The following TMEM223 variants were observed in gnomAD, a reference collection of about 807,000 sequenced individuals.
TMEM223 encodes transmembrane protein 223.
In TMEM223, 14 loss-of-function variants were observed where a neutral mutation model predicts 14.1. The ratio of observed to expected loss-of-function variants is 0.99; its 90% CI spans 0.66 to 1.55. The LOEUF (loss-of-function observed/expected upper bound fraction) is 1.55, where lower values mean the gene tolerates loss of function less well. TMEM223 is among the 40% of genes most tolerant of loss of function. The probability of loss-of-function intolerance (pLI) is 0.00; values close to 1 mark genes in which losing one functional copy is unlikely to be tolerated. For missense variants in TMEM223, 346 were observed against 269.9 expected (o/e 1.28, Z -1.97); for synonymous variants, 145 against 120.5 (o/e 1.20, Z -1.33).
At chr11:62,779,453 C>A (rs766964782) in intron 1 of TMEM223, among the ~76,000 whole-genome samples, 81 of 151,954 alleles carry the variant, frequency 5.3e-4, no homozygotes, top group Non-Finnish European at 9.9e-4. Flanking sequence ...CCTCAGCCTC[C>A]TAAAGTGCTG....
chr11:62,774,459 A>G, intron 2 of TMEM223: 1 of 398,602 alleles, frequency 2.5e-6, no homozygotes, highest in South Asian at 1.8e-5. Context: ...CATTGGATGT[A>G]GGGACCTGGA....
chr11:62,787,273 T>G (rs767026164), downstream of TMEM223: 1 of 1,551,936 alleles, frequency 6.4e-7, no homozygotes, highest in Non-Finnish European at 8.6e-7. Context: ...GCTCTCGGAC[T>G]ACTCGCTGTA....
Position 62,790,159 on chromosome 11 carries a change from G to GT in TMEM223, c.*463dup. The GT allele has an allele frequency of 7.9e-7, 1 of 1,273,426 alleles. No individual in the cohort carries two copies. The highest frequency in any genetic ancestry group is 1.6e-5 in the South Asian group (1 of 62,268). The allele number at this position is 1,273,426 out of a possible 1,614,324, so 78.9% of individuals were successfully genotyped here. A position where few individuals can be genotyped will look rare whatever the true frequency, so the allele number is the denominator to read the frequency against. ...GTCTTAGTTTTCCTTTCGTTGGGGG[G>GT]TGGGGGGGAAACATAATGACAGGCC... On this transcript the variant is annotated 3_prime_UTR_variant, in exon 2 of 2. Transcript: ENST00000307366.
chr11:62,786,240 A>G, downstream of TMEM223: 1 of 1,604,898 alleles, frequency 6.2e-7, no homozygotes, highest in Non-Finnish European at 8.5e-7. Flanking sequence ...TGCTAACTGT[A>G]TTCCTTCTCT....
chr11:62,789,526 A>C, downstream of TMEM223: 1 of 1,586,512 alleles, frequency 6.3e-7, no homozygotes, highest in South Asian at 1.1e-5. Context: ...CTCTCAACTC[A>C]CAGGGCACTG....
In TMEM223 at chr11:62,772,859, T is replaced by TG. The variant is rs1275772795; in HGVS notation, c.386-728_386-727insC. Among the ~76,000 whole-genome samples, 20 of 151,972 alleles carry TG rather than the reference T, an allele frequency of 1.3e-4. No homozygotes were observed. The East Asian group carries it at 3.1e-3, about 23-fold the overall frequency. ...TTCTTTCTTTTAGAAGATCTTTTTT[T>TG]TTTGTTTGTTTTTGTTTTTTGTTTT... On this transcript the variant is annotated intron_variant, in intron 2 of 2. Coordinates refer to the TMEM223 transcript ENST00000528367.
intron 1 of TMEM223, 72 bp from the exon 2 acceptor site, chr11:62,790,987 CTGAA>C: frequency 7.1e-7 from 1 of 1,415,802 alleles, no homozygotes; most frequent in Non-Finnish European, 9.4e-7. Context: ...CCAGTGCCCT[CTGAA>C]TAAGAAATTT....
chr11:62,789,526 A>G (rs1443397101), downstream of TMEM223: 3 of 1,586,394 alleles, frequency 1.9e-6, no homozygotes, highest in African/African-American at 2.7e-5. Context: ...CTCTCAACTC[A>G]CAGGGCACTG....
At chr11:62,781,897 G>T in intron 1 of TMEM223, 1 of 1,614,082 alleles carries the variant, frequency 6.2e-7, no homozygotes, top group Non-Finnish European at 8.5e-7. Flanking sequence ...CTTTTAGGTT[G>T]CACTCCAGGA....
chr11:62,779,622 G>A (rs551220195), intron 1 of TMEM223, among the ~76,000 whole-genome samples: 1 of 149,154 alleles, frequency 6.7e-6, no homozygotes, highest in Non-Finnish European at 1.5e-5. Flanking sequence ...CACTGTGCCC[G>A]GCCTAATTCT....
chr11:62,781,434 G>A (rs2084228737), intron 1 of TMEM223, among the ~76,000 whole-genome samples: 1 of 152,102 alleles, frequency 6.6e-6, no homozygotes, highest in South Asian at 2.1e-4. Flanking sequence ...AGCACTTTGG[G>A]AGGCTGAGGT....
chr11:62,791,944 C>A lies in TMEM223; in HGVS notation c.51G>T (p.Arg17=), dbSNP rs1412255338. ...RWPTGLLAVL[R]PLLTCRPLQG... ...GCAGGGGCCGGCAGGTGAGCAGGGG[C>A]CGCAGCACGGCTAGCAGCCCCGTGG... Residue 17 remains arginine, a synonymous_variant, in exon 1 of 2, where the codon CGG becomes CGT. Coordinates refer to ENST00000307366, the MANE Select transcript of TMEM223 (RefSeq NM_001080501.3). 6.3e-7 allele frequency: 1 copy of A among 1,589,938 alleles called. No homozygotes were observed. Among genetic ancestry groups the A allele is most frequent in the Non-Finnish European group, 8.6e-7 (1 of 1,167,988 alleles).
chr11:62,788,868 C>T (rs1267165575), downstream of TMEM223, among the ~76,000 whole-genome samples: 1 of 152,182 alleles, frequency 6.6e-6, no homozygotes, highest in African/African-American at 2.4e-5. Context: ...CAGGCCCTCT[C>T]CATCAATATC....
intron 1 of TMEM223, among the ~76,000 whole-genome samples, chr11:62,776,219 A>AC (rs1375461851): frequency 6.6e-6 from 1 of 152,100 alleles, no homozygotes; most frequent in East Asian, 1.9e-4. Context: ...AAGATGTGAC[A>AC]CCCGGGGGGT....
At chr11:62,786,598 C>T (rs763647064), downstream of TMEM223, 3 of 1,581,960 alleles carry the variant, frequency 1.9e-6, no homozygotes, top group Non-Finnish European at 2.6e-6. Context: ...GGGGTGCCGG[C>T]GCCTGGACGA....
chr11:62,776,021 C>T, intron 1 of TMEM223: 2 of 1,439,470 alleles, frequency 1.4e-6, no homozygotes, highest in Non-Finnish European at 1.9e-6. Context: ...CAAGTGTACA[C>T]TGGGTGCCTG....
rs182678917 is a variant in TMEM223 at position 62,791,955 on chromosome 11, C to T, written c.40G>A (p.Ala14Thr). 3.2e-4 allele frequency: 503 copies of T among 1,578,572 alleles called. 1 individual carries two copies. In the African/African-American group the frequency reaches 5.9e-3, roughly 18 times the overall value. ...PWRRWPTGLL[A>T]VLRPLLTCRP... is the part of the protein sequence containing the mutation. ...CAGGTGAGCAGGGGCCGCAGCACGG[C>T]TAGCAGCCCCGTGGGCCATCGCCTC... Residue 14 changes from alanine to threonine, a missense_variant, in exon 1 of 2, where the codon GCC becomes ACC. By Grantham distance (58) the Ala-to-Thr change is moderately conservative. Transcript: ENST00000307366.
intron 1 of TMEM223, among the ~76,000 whole-genome samples, chr11:62,779,976 A>ATATTTTTTTTTT (rs1294367864): frequency 1.9e-5 from 1 of 52,632 alleles, no homozygotes; most frequent in Non-Finnish European, 3.6e-5. Context: ...ATATATATAT[A>ATATTTTTTTTTT]TTTTTTTTTT....
At chr11:62,786,824 C>T (rs758685137), downstream of TMEM223, 3 of 1,604,328 alleles carry the variant, frequency 1.9e-6, no homozygotes, top group East Asian at 2.2e-5. Flanking sequence ...CCCACGGCTC[C>T]GCGGCCGCCC....
Sources: allele counts gnomAD v4.1 joint callset (sites outside exome capture counted in the v4.1 genomes callset), GRCh38; gene constraint gnomAD v4.1.1; transcripts MANE v1.5; gene names NCBI Gene and HGNC (gene_info 2026-07-23, HGNC 2026-07-21).